STRADB: variants seen among roughly 807,000 people sequenced by gnomAD.
The protein encoded by STRADB is STE20 related adaptor beta.
In STRADB, 34 loss-of-function variants were observed where a neutral mutation model predicts 52.1. That is an observed-to-expected ratio of 0.65 (90% CI 0.50 to 0.87). The LOEUF (loss-of-function observed/expected upper bound fraction) is 0.87. Ranked by LOEUF, STRADB falls within the 40% of genes least tolerant of loss-of-function variation. The pLI is 0.00. For synonymous variants in STRADB, 133 were observed against 174.5 expected, an observed-to-expected ratio of 0.76 and a Z score of 1.87; for missense variants, 340 against 483.9, an observed-to-expected ratio of 0.70 and a Z score of 2.79.
chr2:201,454,785 G>C lies in STRADB; in HGVS notation c.-56G>C. The C allele has an allele frequency of 1.3e-6, 2 of 1,537,988 alleles. No individual in the cohort carries two copies. Among genetic ancestry groups the C allele is most frequent in the Non-Finnish European group, 1.8e-6 (2 of 1,130,786 alleles). On this transcript the variant is annotated 5_prime_UTR_variant, in exon 2 of 12. Transcript: ENST00000194530. ...ATCTTGAAAGGAAGATAAAACAAAA[G>C]CCTTCTTTGGAATAGATGGATTTTT...
chr2:201,467,971 GTT>G (rs58449183), intron 3 of STRADB, among the ~76,000 whole-genome samples: 1 of 111,328 alleles, frequency 9.0e-6, no homozygotes. Context: ...TTGGTTTTTT[GTT>G]TTTTTTTTTA....
chr2:201,473,698 C>T (rs984973289), intron 5 of STRADB, among the ~76,000 whole-genome samples: 2 of 152,102 alleles, frequency 1.3e-5, no homozygotes, highest in Non-Finnish European at 2.9e-5. Flanking sequence ...CAGTCCCATC[C>T]TAAATAGTCA....
chr2:201,474,800 T>G, intron 6 of STRADB, 45 bp downstream of exon 6: 1 of 1,402,344 alleles, frequency 7.1e-7, no homozygotes, highest in Non-Finnish European at 9.8e-7. Flanking sequence ...CTAGATGTTA[T>G]AATTATATAG....
intron 1 of STRADB, among the ~76,000 whole-genome samples, chr2:201,453,401 C>T (rs1465774731): frequency 6.6e-6 from 1 of 152,080 alleles, no homozygotes; most frequent in Non-Finnish European, 1.5e-5. Context: ...TGGCCAGGGT[C>T]TTGTCTGCCC....
Position 201,477,972 on chromosome 2 carries a change from G to A in STRADB, c.721-115G>A, listed in dbSNP as rs111982474. ...TATATGAAGTGTGTCTTGATTTGTC[G>A]CTTATGGGTTTCTTTTCCATTATTG... On this transcript the variant is annotated intron_variant, in intron 8 of 11. Transcript: ENST00000194530. 5.8e-4 allele frequency: 676 copies of A among 1,163,306 alleles called. 5 individuals carry two copies. The African/African-American group carries it at 8.3e-3, about 14-fold the overall frequency. The allele number at this position is 1,163,306 out of a possible 1,614,324, so 72.1% of individuals were successfully genotyped here. A position where few individuals can be genotyped will look rare whatever the true frequency, so the allele number is the denominator to read the frequency against.
intron 7 of STRADB, among the ~76,000 whole-genome samples, chr2:201,477,168 C>T (rs1205995240): frequency 7.1e-6 from 1 of 141,648 alleles, no homozygotes; most frequent in South Asian, 2.3e-4. Flanking sequence ...GGGTTCATGC[C>T]ATTCTCCTGC....
chr2:201,477,570 C>T (rs992411535), intron 7 of STRADB, 49 bp from the exon 8 acceptor site: 2 of 1,529,806 alleles, frequency 1.3e-6, no homozygotes, highest in Non-Finnish European at 1.8e-6. Flanking sequence ...TTTATTCTTT[C>T]TTCATTGGCC....
intron 3 of STRADB, among the ~76,000 whole-genome samples, chr2:201,462,208 T>C (rs1362492958): frequency 6.6e-6 from 1 of 152,244 alleles, no homozygotes; most frequent in Non-Finnish European, 1.5e-5. Flanking sequence ...TTGCCTGATA[T>C]ATGTGTATAT....
In STRADB at chr2:201,454,625, G is replaced by GTAGCTGCCTAAATATTGGGTATCAGGGAA. The variant is rs1952100361; in HGVS notation, c.-95-102_-95-74dup. 3.2e-4 allele frequency: 132 copies of GTAGCTGCCTAAATATTGGGTATCAGGGAA among 412,816 alleles called. 2 individuals carry two copies. The South Asian group carries it at 0.01, about 32-fold the overall frequency. The allele number at this position is 412,816 out of a possible 1,614,324, so 25.6% of individuals were successfully genotyped here. On this transcript the variant is annotated intron_variant, in intron 1 of 11. Coordinates refer to ENST00000194530, the MANE Select transcript of STRADB (RefSeq NM_018571.6). ...CAGGAATGTCTCCTTGTGTCAAGGA[G>GTAGCTGCCTAAATATTGGGTATCAGGGAA]TAGCTGCCTAAATATTGGGTATCAG... is the stretch of plus-strand genomic sequence containing the variant.
intron 2 of STRADB, among the ~76,000 whole-genome samples, chr2:201,455,509 T>A (rs1398242420): frequency 6.6e-6 from 1 of 151,680 alleles, no homozygotes; most frequent in Non-Finnish European, 1.5e-5. Flanking sequence ...AACCCAGGAG[T>A]TCAACACCAG....
chr2:201,478,727 T>C (rs1952521550), intron 10 of STRADB, 126 bp downstream of exon 10: 2 of 1,135,650 alleles, frequency 1.8e-6, no homozygotes, highest in South Asian at 1.7e-5. Flanking sequence ...CTAGAAAATA[T>C]CAATGCTAAG....
In STRADB at chr2:201,475,754, T is replaced by C. The variant is rs573046235; in HGVS notation, c.548+12T>C. ...GGCTGTATTCACAGGTATTTACTTA[T>C]TTGTATTTATTAAATGAAATAATTT... On this transcript the variant is annotated intron_variant, in intron 7 of 11. Coordinates refer to ENST00000194530, the MANE Select transcript of STRADB (RefSeq NM_018571.6). The C allele has an allele frequency of 1.6e-5, 25 of 1,577,904 alleles. No homozygotes were observed. The South Asian group carries it at 2.4e-4, about 15-fold the overall frequency.
At chr2:201,463,837 T>G (rs575780259) in intron 3 of STRADB, among the ~76,000 whole-genome samples, 4 of 152,192 alleles carry the variant, frequency 2.6e-5, no homozygotes, top group Admixed American at 2.6e-4. Context: ...TCAGTCTCAC[T>G]AATTCTTTCT....
At position 201,480,028 on chromosome 2, in the gene STRADB, A is replaced by G. The variant is rs1445293780; in HGVS notation, c.1114-4A>G. The stretch of plus-strand genomic sequence containing the variant: ...AACAGCCTTATTTTGAGTTTCTTTA[A>G]CAGATGAAAGAAGAAAGCCAGGATT... On this transcript the variant is annotated splice_region_variant and splice_polypyrimidine_tract_variant and intron_variant, in intron 11 of 11. Transcript: ENST00000194530. 1.1e-5 allele frequency: 17 copies of G among 1,613,864 alleles called. No homozygotes were observed. The highest frequency in any genetic ancestry group is 1.4e-5 in the Non-Finnish European group (17 of 1,179,798).
At chr2:201,475,191 A>T (rs960684600) in intron 6 of STRADB, among the ~76,000 whole-genome samples, 1 of 152,178 alleles carries the variant, frequency 6.6e-6, no homozygotes, top group Non-Finnish European at 1.5e-5. Context: ...GAGGGCCGGG[A>T]TCATTTATAT....
intron 3 of STRADB, among the ~76,000 whole-genome samples, chr2:201,459,420 A>G (rs533844828): frequency 2.0e-5 from 3 of 152,202 alleles, no homozygotes; most frequent in South Asian, 4.1e-4. Flanking sequence ...TTTCAAACCC[A>G]CCAACTCATG....
chr2:201,457,351 G>A (rs1341344005), intron 2 of STRADB: 3 of 152,124 alleles, frequency 2.0e-5, no homozygotes, highest in Non-Finnish European at 4.4e-5. Context: ...TTCAAAAACT[G>A]TTTTATTATA....
chr2:201,460,068 G>A (rs561057714), intron 3 of STRADB, among the ~76,000 whole-genome samples: 10 of 152,152 alleles, frequency 6.6e-5, no homozygotes, highest in South Asian at 2.1e-4. Flanking sequence ...CCTTGCAAAT[G>A]CCTTATTCAC....
intron 2 of STRADB, among the ~76,000 whole-genome samples, chr2:201,455,117 T>C (rs917529574): frequency 2.7e-4 from 41 of 152,254 alleles, no homozygotes; most frequent in African/African-American, 9.2e-4. Flanking sequence ...TGTTATACTT[T>C]GATATGCCAC....
Sources: allele counts gnomAD v4.1 joint callset (sites outside exome capture counted in the v4.1 genomes callset), GRCh38; gene constraint gnomAD v4.1.1; transcripts MANE v1.5; gene names NCBI Gene and HGNC (gene_info 2026-07-23, HGNC 2026-07-21).